The following CMYA5 variants were observed in gnomAD, a reference collection of about 807,000 sequenced individuals.
The protein encoded by CMYA5 is cardiomyopathy associated 5.
In CMYA5, 246 loss-of-function variants were observed where a neutral mutation model predicts 318.9. The ratio of observed to expected loss-of-function variants is 0.77; its 90% CI spans 0.70 to 0.86. CMYA5 has a LOEUF of 0.86. Among genes scored for constraint, CMYA5 ranks in the 40% least tolerant of loss-of-function variants. CMYA5 has a pLI of 0.00. For synonymous variants in CMYA5, 1,641 were observed against 1,729.5 expected, an observed-to-expected ratio of 0.95 and a Z score of 1.27; for missense variants, 4,589 against 4,678.2, an observed-to-expected ratio of 0.98 and a Z score of 0.56.
intron 1 of CMYA5, among the ~76,000 whole-genome samples, chr5:79,711,891 G>A (rs369598593): frequency 3.3e-5 from 5 of 152,174 alleles, no homozygotes; most frequent in South Asian, 2.1e-4. Context: ...TGAAGAGAAC[G>A]TGTATGGTTG....
chr5:79,793,784 A>T (rs1238641091), intron 12 of CMYA5, among the ~76,000 whole-genome samples, 174 bp downstream of exon 12: 1 of 152,202 alleles, frequency 6.6e-6, no homozygotes, highest in Non-Finnish European at 1.5e-5. Flanking sequence ...CTGATTACTG[A>T]GGAAGCTGAT....
At chr5:79,752,989 C>T (rs1234305639) in intron 6 of CMYA5, among the ~76,000 whole-genome samples, 195 bp downstream of exon 6, 2 of 151,948 alleles carry the variant, frequency 1.3e-5, no homozygotes, top group Admixed American at 1.3e-4. Flanking sequence ...TGTGCATTTC[C>T]ATCTGAAGCT....
intron 9 of CMYA5, among the ~76,000 whole-genome samples, chr5:79,765,105 C>T (rs1220330376): frequency 6.7e-6 from 1 of 150,182 alleles, no homozygotes; most frequent in Non-Finnish European, 1.5e-5. Context: ...TTTCTTCTAG[C>T]GTTTTTATGG....
chr5:79,725,288 T>G (rs188968916), intron 1 of CMYA5, among the ~76,000 whole-genome samples: 14 of 152,274 alleles, frequency 9.2e-5, no homozygotes, highest in African/African-American at 3.4e-4. Context: ...CAGCCATAAA[T>G]AAGAATTAAA....
intron 12 of CMYA5, 118 bp downstream of exon 12, chr5:79,793,728 T>A: frequency 1.1e-6 from 1 of 900,616 alleles, no homozygotes; most frequent in Non-Finnish European, 1.7e-6. Context: ...CTGAGCCAAC[T>A]AAGAAAGAAA....
At chr5:79,784,748 G>A (rs975273306) in intron 9 of CMYA5, among the ~76,000 whole-genome samples, 12 of 145,770 alleles carry the variant, frequency 8.2e-5, no homozygotes, top group Non-Finnish European at 1.6e-4. Context: ...CGCTTCCCAG[G>A]TGAGGCAATG....
chr5:79,696,868 A>G (rs35502331), intron 1 of CMYA5, among the ~76,000 whole-genome samples: 98,159 of 151,890 alleles, frequency 0.65, 33,854 homozygotes, highest in African/African-American at 0.9. Flanking sequence ...TTAGCCGGGC[A>G]TGGTGGCAGG....
chr5:79,731,139 A>G lies in CMYA5; in HGVS notation c.2374A>G (p.Thr792Ala). The G allele has an allele frequency of 6.2e-7, 1 of 1,614,022 alleles. No homozygotes were observed. Among genetic ancestry groups the G allele is most frequent in the Non-Finnish European group, 8.5e-7 (1 of 1,179,900 alleles). ...AGAGGACCTAGGAAGTGAACGTTTCACACCGGATTCAAAGTTGATCTCCAA... is the reference window on the plus strand; with the variant it reads ...AGAGGACCTAGGAAGTGAACGTTTCGCACCGGATTCAAAGTTGATCTCCAA... ...EGEDLGSERF[T>A]PDSKLISKYA... Residue 792 changes from threonine to alanine, a missense_variant, in exon 2 of 13, where the codon ACA (threonine) becomes GCA (alanine). Transcript: ENST00000446378.
Position 79,789,023 on chromosome 5 carries a change from G to A in CMYA5, c.11608G>A (p.Asp3870Asn). Reference sequence around the variant, plus strand: ...GCTGAAAGTTAACCTCCAACCCAATGATAACTACTTTTTCTATGTGAGGGC... The same window carrying A: ...GCTGAAAGTTAACCTCCAACCCAATAATAACTACTTTTTCTATGTGAGGGC... ...LQLKVNLQPNDNYFFYVRAIN... is the reference protein window; with the variant it reads ...LQLKVNLQPNNNYFFYVRAIN... The change falls in exon 10 of 13, where the codon GAT becomes AAT. Residue 3870 changes from aspartate to asparagine, a missense_variant. Asp to Asn is a conservative substitution (Grantham distance 23). Coordinates refer to ENST00000446378, the MANE Select transcript of CMYA5 (RefSeq NM_153610.5). The A allele has an allele frequency of 3.1e-6, 5 of 1,613,930 alleles. No individual in the cohort carries two copies. In the African/African-American group the frequency reaches 6.7e-5, roughly 22 times the overall value.
At position 79,732,554 on chromosome 5, in the gene CMYA5, T is replaced by C. The variant is rs2151085640; in HGVS notation, c.3789T>C (p.Thr1263=). 2 of 1,613,058 alleles carry C rather than the reference T, an allele frequency of 1.2e-6. No individual in the cohort carries two copies. The highest frequency in any genetic ancestry group is 4.5e-5 in the East Asian group (2 of 44,858). Residue 1263 remains threonine, a synonymous_variant, in exon 2 of 13, where the codon ACT becomes ACC. Coordinates refer to ENST00000446378, the MANE Select transcript of CMYA5 (RefSeq NM_153610.5). The stretch of plus-strand genomic sequence containing the variant: ...AGCCCAAATTAGTTCTAAATGTGAC[T>C]TCTGAACTAGAACAGAGAAAGTTGT... The part of the protein sequence containing the change: ...GVKPKLVLNV[T]SELEQRKLSK...
At position 79,737,845 on chromosome 5, in the gene CMYA5, CA is replaced by C. The variant is rs779945809; in HGVS notation, c.9084del (p.Glu3029LysfsTer30). The stretch of plus-strand genomic sequence containing the variant: ...AATAAACAAAAGGAAACTCATAAGA[CA>C]AAAGAAGAGATATCCACAGATTCAG... ...KENKQKETHK[T>X]KEEISTDSET... On this transcript the variant is annotated frameshift_variant, in exon 2 of 13. Coordinates refer to ENST00000446378, the MANE Select transcript of CMYA5 (RefSeq NM_153610.5). LOFTEE classifies it high-confidence loss of function. 3 of 1,602,536 alleles carry C rather than the reference CA, an allele frequency of 1.9e-6. No homozygotes were observed. In the South Asian group the frequency reaches 3.4e-5, roughly 18 times the overall value.
Position 79,731,787 on chromosome 5 carries a change from A to G in CMYA5, c.3022A>G (p.Ile1008Val), listed in dbSNP as rs775343526. 8 of 1,613,078 alleles carry G rather than the reference A, an allele frequency of 5.0e-6. No individual in the cohort carries two copies. The highest frequency in any genetic ancestry group is 2.7e-5 in the African/African-American group (2 of 74,886). Residue 1008 changes from isoleucine (I) to valine (V), a missense_variant, in exon 2 of 13, where the codon ATC becomes GTC. Transcript: ENST00000446378. ...FSPDSASQVS[I>V]PPFRISETEK... ...TCCAGACTCAGCATCACAAGTTTCA[A>G]TCCCTCCCTTTAGAATCTCAGAAAC... is the stretch of plus-strand genomic sequence containing the variant.
chr5:79,792,249 T>C lies in CMYA5; in HGVS notation c.11789+1180T>C, dbSNP rs562137493. 2.3e-3 allele frequency among the ~76,000 whole-genome samples: 349 copies of C among 152,330 alleles called. 1 individual carries two copies. The highest frequency in any genetic ancestry group is 7.8e-3 in the African/African-American group (326 of 41,568). Reference sequence around the variant, plus strand: ...CTTCAAGCAGCAGCCCTGTCTTGTGTATCTTTGAATCCCTCAAATCTAGCA... The same window carrying C: ...CTTCAAGCAGCAGCCCTGTCTTGTGCATCTTTGAATCCCTCAAATCTAGCA... On this transcript the variant is annotated intron_variant, in intron 11 of 12. Coordinates refer to ENST00000446378, the MANE Select transcript of CMYA5 (RefSeq NM_153610.5).
At chr5:79,756,876 A>C (rs1828539666) in intron 6 of CMYA5, among the ~76,000 whole-genome samples, 1 of 152,178 alleles carries the variant, frequency 6.6e-6, no homozygotes, top group Admixed American at 6.5e-5. Context: ...TGGAAAAAAA[A>C]CCCATAAAAA....
In CMYA5 at chr5:79,734,693, A is replaced by G. The variant is rs1387846774; in HGVS notation, c.5928A>G (p.Ser1976=). 1.9e-6 allele frequency: 3 copies of G among 1,613,780 alleles called. No individual in the cohort carries two copies. The highest frequency in any genetic ancestry group is 2.2e-5 in the East Asian group (1 of 44,898). The change falls in exon 2 of 13, where the codon TCA becomes TCG. Residue 1976 remains serine (S), a synonymous_variant. Transcript: ENST00000446378. ...CCAGTGGTAATACAGAGACCTTATC[A>G]AGTAAAAGTTACTCTTCTGAAGAAG... ...DTSSGNTETL[S]SKSYSSEEVK...
At chr5:79,748,430 TCA>T in intron 5 of CMYA5, among the ~76,000 whole-genome samples, 1 of 152,190 alleles carries the variant, frequency 6.6e-6, no homozygotes. Flanking sequence ...TTACCAATTC[TCA>T]CAGACGAGTC....
chr5:79,736,989 G>A lies in CMYA5; in HGVS notation c.8224G>A (p.Glu2742Lys), dbSNP rs534918395. ...AATAGAGAACCACTCTTTGTCTCAG[G>A]AAGGAAATCTAGTGTTAGAAAAGTC... is the stretch of plus-strand genomic sequence containing the variant. ...DEIENHSLSQ[E>K]GNLVLEKSSR... The change falls in exon 2 of 13, where the codon GAA becomes AAA. Residue 2742 changes from glutamate (E) to lysine (K), a missense_variant. By Grantham distance (56) the Glu-to-Lys change is moderately conservative (BLOSUM62 1). Around this residue, in one of 3 missense-constraint regions of CMYA5, gnomAD observed 2,431 missense variants for 2,495.1 expected, o/e 0.97. Transcript: ENST00000446378. 2.5e-6 allele frequency: 4 copies of A among 1,613,388 alleles called. No homozygotes were observed. In the African/African-American group the frequency reaches 4.0e-5, roughly 16 times the overall value.
chr5:79,708,364 G>A (rs1372269982), intron 1 of CMYA5, among the ~76,000 whole-genome samples: 1 of 152,234 alleles, frequency 6.6e-6, no homozygotes, highest in African/African-American at 2.4e-5. Context: ...GCTCACGCCT[G>A]TAATCTCAGC....
chr5:79,695,423 G>T (rs2151074097), intron 1 of CMYA5, among the ~76,000 whole-genome samples: 1 of 152,300 alleles, frequency 6.6e-6, no homozygotes, highest in Non-Finnish European at 1.5e-5. Context: ...ACTTATTAGA[G>T]ATATCTTACA....
Sources: gnomAD v4.1 joint callset for allele counts (sites outside exome capture counted in the v4.1 genomes callset) on GRCh38, gnomAD v4.1.1 for gene constraint, gnomAD v4.1.1 regional missense constraint, MANE v1.5 for transcripts, NCBI Gene and HGNC (gene_info 2026-07-23, HGNC 2026-07-21) for gene names.